The following FAM135B variants were observed in gnomAD, a reference collection of about 807,000 sequenced individuals.
FAM135B encodes the protein protein FAM135B.
In FAM135B, 43 loss-of-function variants were observed where a neutral mutation model predicts 127.7. That is an observed-to-expected ratio of 0.34 (90% CI 0.26 to 0.43). The LOEUF is 0.43. FAM135B is among the 20% of genes least tolerant of loss of function. The pLI, the probability that FAM135B is intolerant of heterozygous loss-of-function variation, is 1.00. For synonymous variants in FAM135B, 670 were observed against 665.1 expected, an observed-to-expected ratio of 1.01 and a Z score of -0.11; for missense variants, 1,558 against 1,725.6, an observed-to-expected ratio of 0.90 and a Z score of 1.72.
At chr8:138,293,735 G>A (rs764459600) in intron 3 of FAM135B, among the ~76,000 whole-genome samples, 2 of 152,032 alleles carry the variant, frequency 1.3e-5, no homozygotes, top group South Asian at 4.1e-4. Context: ...TTATTAAAAA[G>A]TCAAAAAACA....
At position 138,253,718 on chromosome 8, in the gene FAM135B, G is replaced by T. The variant is rs72723666; in HGVS notation, c.369-2704C>A. Among the ~76,000 whole-genome samples, 13 of 152,190 alleles carry T rather than the reference G, an allele frequency of 8.5e-5. 1 individual carries two copies. Among genetic ancestry groups the T allele is most frequent in the South Asian group, 2.1e-4 (1 of 4,800 alleles). On this transcript the variant is annotated intron_variant, in intron 5 of 19. Coordinates refer to ENST00000395297, the MANE Select transcript of FAM135B (RefSeq NM_015912.4). ...AATCCTCCTGCCTGCATTGAGAGCC[G>T]CCAGACAAGACAAATTTCACAAGCT...
chr8:138,453,967 T>C (rs1183171915), intron 1 of FAM135B, among the ~76,000 whole-genome samples: 2 of 152,064 alleles, frequency 1.3e-5, no homozygotes, highest in African/African-American at 2.4e-5. Flanking sequence ...GAAATCTGAC[T>C]CTTGGGGAGA....
At position 138,414,059 on chromosome 8, in the gene FAM135B, A is replaced by G. The variant is rs1194691746; in HGVS notation, c.-19-46057T>C. Among the ~76,000 whole-genome samples, 70 of 151,474 alleles carry G rather than the reference A, an allele frequency of 4.6e-4. No individual in the cohort carries two copies. The Admixed American group carries it at 4.6e-3, about 10-fold the overall frequency. ...AGATCAATGACTTTTGAGACCAAAG[A>G]ATGTGTGTGATAATTTAATAAATAC... On this transcript the variant is annotated intron_variant, in intron 1 of 19. Coordinates refer to ENST00000395297, the MANE Select transcript of FAM135B (RefSeq NM_015912.4).
At chr8:138,202,795 G>GTTC in intron 7 of FAM135B, among the ~76,000 whole-genome samples, 1 of 139,652 alleles carries the variant, frequency 7.2e-6, no homozygotes, top group East Asian at 2.2e-4. Context: ...CGGTGAACGT[G>GTTC]TCTATGGATG....
intron 1 of FAM135B, among the ~76,000 whole-genome samples, chr8:138,461,081 T>C (rs986355816): frequency 6.6e-6 from 1 of 152,180 alleles, no homozygotes; most frequent in Non-Finnish European, 1.5e-5. Flanking sequence ...GTTAATCCTT[T>C]GTTATAAGTT....
intron 19 of FAM135B, among the ~76,000 whole-genome samples, chr8:138,133,362 C>T (rs901715711): frequency 6.6e-6 from 1 of 152,148 alleles, no homozygotes; most frequent in Non-Finnish European, 1.5e-5. Flanking sequence ...GACACAGTTG[C>T]AATTTTGCTT....
chr8:138,391,276 G>A (rs532697349), intron 1 of FAM135B, among the ~76,000 whole-genome samples: 2 of 152,138 alleles, frequency 1.3e-5, no homozygotes, highest in African/African-American at 4.8e-5. Flanking sequence ...GCCAGTGGGG[G>A]GCGTTATTCC....
chr8:138,235,041 T>C (rs1341994472), intron 7 of FAM135B, among the ~76,000 whole-genome samples: 1 of 151,792 alleles, frequency 6.6e-6, no homozygotes, highest in African/African-American at 2.4e-5. Context: ...ATATTCCTTA[T>C]CTTTTTCTGA....
At chr8:138,319,613 T>A (rs976970589) in intron 2 of FAM135B, among the ~76,000 whole-genome samples, 6 of 152,314 alleles carry the variant, frequency 3.9e-5, no homozygotes, top group African/African-American at 1.4e-4. Flanking sequence ...AGCCTAGATT[T>A]GCACAGAACT....
chr8:138,178,170 T>C (rs10112766), intron 10 of FAM135B, among the ~76,000 whole-genome samples: 64,691 of 151,330 alleles, frequency 0.43, 14,989 homozygotes, highest in African/African-American at 0.62. Flanking sequence ...ATTGCTTGAA[T>C]CAGGGAGGTG....
chr8:138,495,601 T>G (rs1815360123), intron 1 of FAM135B, among the ~76,000 whole-genome samples: 1 of 152,190 alleles, frequency 6.6e-6, no homozygotes, highest in Non-Finnish European at 1.5e-5. Context: ...TGGATATTAT[T>G]CAGAGGCCTA....
chr8:138,206,652 GAAC>G (rs1563769573), intron 7 of FAM135B, among the ~76,000 whole-genome samples: 1 of 39,522 alleles, frequency 2.5e-5, no homozygotes, highest in African/African-American at 9.7e-5. Flanking sequence ...CACCTACACA[GAAC>G]TCCAGCATCC....
Position 138,151,187 on chromosome 8 carries a change from A to T in FAM135B, c.3281+7T>A, listed in dbSNP as rs757150051. ...TGTGGGAAAGGTAAGCCCGTCAGCC[A>T]GCTTACCTAAACATCCTCTCACTGA... On this transcript the variant is annotated splice_region_variant and intron_variant, in intron 13 of 19. Coordinates refer to ENST00000395297, the MANE Select transcript of FAM135B (RefSeq NM_015912.4). 6.6e-7 allele frequency: 1 copy of T among 1,512,870 alleles called. No homozygotes were observed. The highest frequency in any genetic ancestry group is 8.8e-7 in the Non-Finnish European group (1 of 1,130,402). The allele number at this position is 1,512,870 out of a possible 1,614,324, so 93.7% of individuals were successfully genotyped here.
intron 1 of FAM135B, among the ~76,000 whole-genome samples, chr8:138,416,795 GA>G (rs1267143052): frequency 6.6e-6 from 1 of 152,068 alleles, no homozygotes; most frequent in African/African-American, 2.4e-5. Context: ...AGAAGGCACA[GA>G]GAGTGAATGG....
chr8:138,141,442 C>T lies in FAM135B; in HGVS notation c.3639-93G>A. The T allele has an allele frequency of 1.6e-6, 2 of 1,264,910 alleles. No homozygotes were observed. The highest frequency in any genetic ancestry group is 2.3e-6 in the Non-Finnish European group (2 of 881,260). The allele number at this position is 1,264,910 out of a possible 1,614,324, so 78.4% of individuals were successfully genotyped here. ...GGAAGCATCAGGGGCCATTGTTCTC[C>T]ACCTCCCACTGAATGTAGGGGAACT... On this transcript the variant is annotated intron_variant, in intron 16 of 19. Coordinates refer to ENST00000395297, the MANE Select transcript of FAM135B (RefSeq NM_015912.4). This position sits in a 1 kb window ranked among gnomAD's most constrained non-coding sequence, Gnocchi z 4.7.
chr8:138,205,797 G>GT (rs111454081), intron 7 of FAM135B, among the ~76,000 whole-genome samples: 6,229 of 152,160 alleles, frequency 0.041, 215 homozygotes, highest in East Asian at 0.15. Context: ...TCCACAGAGT[G>GT]TATCTGAGAA....
At chr8:138,391,962 G>A (rs1832600267) in intron 1 of FAM135B, among the ~76,000 whole-genome samples, 2 of 152,182 alleles carry the variant, frequency 1.3e-5, no homozygotes, top group Admixed American at 1.3e-4. Context: ...ACTGCCTAGA[G>A]GAGGATGGGT....
intron 2 of FAM135B, among the ~76,000 whole-genome samples, chr8:138,357,197 A>G (rs547306245): frequency 6.6e-6 from 1 of 152,162 alleles, no homozygotes; most frequent in Admixed American, 6.6e-5. Context: ...AATTTGTGCT[A>G]CTGTTGCATA....
chr8:138,249,172 G>A (rs1471371208), intron 6 of FAM135B, among the ~76,000 whole-genome samples: 1 of 152,180 alleles, frequency 6.6e-6, no homozygotes, highest in African/African-American at 2.4e-5. Flanking sequence ...TTAACTCTGT[G>A]TTGAGGATGT....
Sources: gnomAD v4.1 joint callset for allele counts (sites outside exome capture counted in the v4.1 genomes callset) on GRCh38, gnomAD v4.1.1 for gene constraint, Gnocchi (gnomAD v3.1) non-coding constraint, MANE v1.5 for transcripts, NCBI Gene and HGNC (gene_info 2026-07-23, HGNC 2026-07-21) for gene names.